EPN2: variants seen among roughly 807,000 people sequenced by gnomAD.
EPN2 encodes the protein epsin 2.
EPN2 carries 34 observed loss-of-function variants against 61.7 expected under a neutral mutation model. That is an observed-to-expected ratio of 0.55 (90% confidence interval 0.42 to 0.73). The LOEUF (loss-of-function observed/expected upper bound fraction) is 0.73, where lower values mean the gene tolerates loss of function less well. EPN2 is among the 30% of genes least tolerant of loss of function. The pLI is 0.00. For missense variants in EPN2, 714 were observed against 839.2 expected (o/e 0.85, Z 1.84); for synonymous variants, 349 against 353.6 (o/e 0.99, Z 0.15).
At chr17:19,331,105 C>T (rs1349007971) in intron 9 of EPN2, among the ~76,000 whole-genome samples, 2 of 152,202 alleles carry the variant, frequency 1.3e-5, no homozygotes, top group Non-Finnish European at 2.9e-5. Context: ...TTGAAAACAT[C>T]TTCTCATGAC....
intron 8 of EPN2, 28 bp downstream of exon 8, chr17:19,328,915 G>A: frequency 6.3e-7 from 1 of 1,589,138 alleles, no homozygotes; most frequent in African/African-American, 1.3e-5. Flanking sequence ...CCACTTTCCT[G>A]CCTGGCCTCT....
intron 4 of EPN2, among the ~76,000 whole-genome samples, chr17:19,305,443 T>G (rs897640462): frequency 6.6e-6 from 1 of 152,242 alleles, no homozygotes; most frequent in African/African-American, 2.4e-5. Context: ...TTGTGTTTTT[T>G]GTACTTGCCA....
At chr17:19,304,628 A>T (rs868267798) in intron 4 of EPN2, among the ~76,000 whole-genome samples, 1 of 152,188 alleles carries the variant, frequency 6.6e-6, no homozygotes, top group South Asian at 2.1e-4. Context: ...CACAGGGAAG[A>T]GCCAACTGCA....
At chr17:19,325,921 A>C (rs971121449) in intron 7 of EPN2, among the ~76,000 whole-genome samples, 1 of 152,222 alleles carries the variant, frequency 6.6e-6, no homozygotes, top group Non-Finnish European at 1.5e-5. Flanking sequence ...GTTTGGCAAG[A>C]TTGCTGGGTA....
At chr17:19,242,896 G>A (rs1483319856) in intron 1 of EPN2, among the ~76,000 whole-genome samples, 1 of 152,182 alleles carries the variant, frequency 6.6e-6, no homozygotes, top group Non-Finnish European at 1.5e-5. Flanking sequence ...ACCCCTCTTA[G>A]GTAGTTGCAC....
At chr17:19,280,517 G>A (rs932599443) in intron 1 of EPN2, among the ~76,000 whole-genome samples, 2 of 152,170 alleles carry the variant, frequency 1.3e-5, no homozygotes. Context: ...CTGAAGCCCT[G>A]TTCTGTGGCT....
rs575881350 is a variant in EPN2 at position 19,321,652 on chromosome 17, G to A, written c.1148-7059G>A. On this transcript the variant is annotated intron_variant, in intron 7 of 10. Coordinates refer to ENST00000314728, the MANE Select transcript of EPN2 (RefSeq NM_014964.5). ...GGAAGGGATAGTAGCTGGGGAGTGAGATATTGTGCAGGGGAGATGATGCAT... is the reference window on the plus strand; with the variant it reads ...GGAAGGGATAGTAGCTGGGGAGTGAAATATTGTGCAGGGGAGATGATGCAT... Among the ~76,000 whole-genome samples the A allele has an allele frequency of 1.8e-4, 28 of 152,290 alleles. No individual in the cohort carries two copies. The East Asian group carries it at 1.9e-3, about 11-fold the overall frequency.
At chr17:19,292,378 C>G (rs193039845) in intron 4 of EPN2, among the ~76,000 whole-genome samples, 1 of 152,272 alleles carries the variant, frequency 6.6e-6, no homozygotes, top group African/African-American at 2.4e-5. Context: ...GGGGATGGAC[C>G]AGGAATTTGG....
At chr17:19,262,970 G>A (rs905584610) in intron 1 of EPN2, among the ~76,000 whole-genome samples, 1 of 152,212 alleles carries the variant, frequency 6.6e-6, no homozygotes, top group Non-Finnish European at 1.5e-5. Flanking sequence ...ATCACATGTT[G>A]TTGATCTGTT....
intron 4 of EPN2, among the ~76,000 whole-genome samples, chr17:19,289,069 G>C (rs2045432256): frequency 7.0e-6 from 1 of 142,730 alleles, no homozygotes; most frequent in Non-Finnish European, 1.5e-5. Flanking sequence ...CCAGGTTCTG[G>C]GTATGTTTTT....
chr17:19,317,973 A>C (rs562036485), intron 7 of EPN2, among the ~76,000 whole-genome samples: 6 of 152,334 alleles, frequency 3.9e-5, no homozygotes, highest in African/African-American at 1.4e-4. Flanking sequence ...CGCACACAGC[A>C]AAGAAGGAGG....
At chr17:19,248,914 C>T (rs924438581) in intron 1 of EPN2, among the ~76,000 whole-genome samples, 4 of 152,150 alleles carry the variant, frequency 2.6e-5, no homozygotes, top group Non-Finnish European at 5.9e-5. Context: ...TGAGTCGAGT[C>T]TTGAAGGAAA....
rs556333035 is a variant in EPN2, at chr17:19,335,116, A to G, written c.*862A>G. 1.3e-3 allele frequency: 325 copies of G among 243,128 alleles called. 1 individual carries two copies. Among genetic ancestry groups the G allele is most frequent in the Middle Eastern group, 2.7e-3 (2 of 754 alleles). 15.1% of individuals were successfully genotyped at this position (243,128 alleles called of 1,614,324 possible). A position where few individuals can be genotyped will look rare whatever the true frequency, so the allele number is the denominator to read the frequency against. ...AATGCCTTATTGAAAAACTAAAGCA[A>G]ATTCTTTATAGGAAGAAAATATGGG... On this transcript the variant is annotated 3_prime_UTR_variant, in exon 11 of 11. Coordinates refer to ENST00000314728, the MANE Select transcript of EPN2 (RefSeq NM_014964.5).
intron 1 of EPN2, chr17:19,249,386 C>T (rs1567841828): frequency 6.6e-6 from 1 of 152,220 alleles, no homozygotes; most frequent in Non-Finnish European, 1.5e-5. Context: ...TGGATGTTCC[C>T]TCCTCTACTC....
intron 1 of EPN2, among the ~76,000 whole-genome samples, chr17:19,257,710 G>GT (rs2045096503): frequency 6.6e-6 from 1 of 152,036 alleles, no homozygotes; most frequent in South Asian, 2.1e-4. Flanking sequence ...GTAGAGACAG[G>GT]TTTTTGCATG....
At chr17:19,315,394 T>G (rs1357800594) in intron 7 of EPN2, among the ~76,000 whole-genome samples, 2 of 152,084 alleles carry the variant, frequency 1.3e-5, no homozygotes, top group Non-Finnish European at 2.9e-5. Flanking sequence ...GGCAACTTGG[T>G]GGGCTTGATG....
rs188663651 is a variant in EPN2 at position 19,254,063 on chromosome 17, C to T, written c.-294+16532C>T. ...AGGAGAATCACTTGAACCCAGGAGG[C>T]GGAGGTAGCAGTGAGCCATGATCAC... On this transcript the variant is annotated intron_variant, in intron 1 of 10. Transcript: ENST00000314728. Among the ~76,000 whole-genome samples the T allele has an allele frequency of 4.4e-3, 666 of 150,952 alleles. 6 individuals carry two copies. Among genetic ancestry groups the T allele is most frequent in the African/African-American group, 0.015 (599 of 41,044 alleles).
intron 7 of EPN2, among the ~76,000 whole-genome samples, chr17:19,322,384 C>G (rs1432324862): frequency 6.6e-6 from 1 of 152,186 alleles, no homozygotes; most frequent in Non-Finnish European, 1.5e-5. Flanking sequence ...CTCCTCCTCT[C>G]CCTCCTAGTG....
intron 7 of EPN2, among the ~76,000 whole-genome samples, chr17:19,320,037 AG>A (rs1408553598): frequency 1.3e-5 from 2 of 152,246 alleles, no homozygotes; most frequent in African/African-American, 4.8e-5. Context: ...TGGGGCTCGG[AG>A]CAGAGCTCAG....
Sources: gnomAD v4.1 joint callset for allele counts (sites outside exome capture counted in the v4.1 genomes callset) on GRCh38, gnomAD v4.1.1 for gene constraint, MANE v1.5 for transcripts, NCBI Gene and HGNC (gene_info 2026-07-23, HGNC 2026-07-21) for gene names.